Variants in UBAC2 observed in about 807,000 individuals in gnomAD.
UBAC2 encodes the protein ubiquitin-associated domain-containing protein 2.
UBAC2 carries 26 observed loss-of-function variants against 44.0 expected under a neutral mutation model. The ratio of observed to expected loss-of-function variants is 0.59; its 90% CI spans 0.43 to 0.82. UBAC2 has a LOEUF of 0.82. UBAC2 is among the 40% of genes least tolerant of loss of function. The pLI is 0.00. For missense variants in UBAC2, 329 were observed against 419.4 expected (o/e 0.78, Z 1.88); for synonymous variants, 155 against 154.3 (o/e 1.00, Z -0.04).
intron 4 of UBAC2, among the ~76,000 whole-genome samples, chr13:99,263,247 T>C (rs1555324923): frequency 6.6e-6 from 1 of 152,254 alleles, no homozygotes; most frequent in Non-Finnish European, 1.5e-5. Context: ...TGTTTCTTGC[T>C]AATGAGTTGA....
At position 99,385,332 on chromosome 13, in the gene UBAC2, C is replaced by T. The variant is rs1436641320; in HGVS notation, c.1032C>T (p.His344=). ...TCGCCACCAACTTCCTGCTGCAGCA[C>T]TGATAGTCCCAGGCCAACACTGGGA... ...LNVATNFLLQ[H] Residue 344 remains histidine (H), a synonymous_variant, in exon 9 of 9, where the codon CAC becomes CAT. Coordinates refer to ENST00000403766, the MANE Select transcript of UBAC2 (RefSeq NM_001144072.2). The T allele has an allele frequency of 1.9e-5, 30 of 1,613,344 alleles. No homozygotes were observed. The highest frequency in any genetic ancestry group is 2.5e-5 in the Non-Finnish European group (29 of 1,179,454).
chr13:99,293,838 A>G (rs542562669), intron 4 of UBAC2, among the ~76,000 whole-genome samples: 1 of 152,346 alleles, frequency 6.6e-6, no homozygotes, highest in South Asian at 2.1e-4. Flanking sequence ...ATAAAAATTT[A>G]AAGTGTAACA....
intron 4 of UBAC2, chr13:99,255,053 G>A: frequency 1.2e-6 from 2 of 1,614,124 alleles, no homozygotes; most frequent in Non-Finnish European, 1.7e-6. Context: ...AGGTTCATGA[G>A]GAAGGTGGTA....
At chr13:99,342,135 G>A (rs937484628) in intron 7 of UBAC2, among the ~76,000 whole-genome samples, 8 of 152,130 alleles carry the variant, frequency 5.3e-5, no homozygotes, top group African/African-American at 1.9e-4. Flanking sequence ...CTATGGGGGC[G>A]GGCTGGCGAA....
chr13:99,347,514 C>T (rs975059092), intron 7 of UBAC2, among the ~76,000 whole-genome samples: 1 of 152,064 alleles, frequency 6.6e-6, no homozygotes, highest in Admixed American at 6.6e-5. Context: ...TGGGACATCA[C>T]TGTGGTCACG....
chr13:99,244,769 A>G (rs1009807394), intron 4 of UBAC2, 145 bp downstream of exon 4: 4 of 476,212 alleles, frequency 8.4e-6, no homozygotes, highest in African/African-American at 4.0e-5. Flanking sequence ...AGTCTAATCT[A>G]TGCCTACATT....
chr13:99,250,323 T>A (rs2043441994), intron 4 of UBAC2, among the ~76,000 whole-genome samples: 1 of 152,238 alleles, frequency 6.6e-6, no homozygotes, highest in Non-Finnish European at 1.5e-5. Context: ...AGGAATCCTT[T>A]CACCACTGTT....
chr13:99,327,498 GT>G (rs1318052488), intron 6 of UBAC2, among the ~76,000 whole-genome samples: 1 of 152,108 alleles, frequency 6.6e-6, no homozygotes, highest in Non-Finnish European at 1.5e-5. Flanking sequence ...GTGTGTGTGT[GT>G]GTGTTTAAGT....
At chr13:99,254,997 T>C in intron 4 of UBAC2, 3 of 1,614,074 alleles carry the variant, frequency 1.9e-6, no homozygotes, top group Non-Finnish European at 2.5e-6. Flanking sequence ...GAGCCTGAAA[T>C]TGTTTTGAAA....
intron 4 of UBAC2, among the ~76,000 whole-genome samples, chr13:99,285,497 A>T (rs979937374): frequency 2.0e-5 from 3 of 151,312 alleles, no homozygotes; most frequent in Admixed American, 6.6e-5. Context: ...GGCTCAAGGG[A>T]TCCTCCTGCC....
At chr13:99,220,179 G>C (rs984477) in intron 1 of UBAC2, among the ~76,000 whole-genome samples, 81,052 of 152,006 alleles carry the variant, frequency 0.53, 22,947 homozygotes, top group Middle Eastern at 0.66. Context: ...AGTTATCATA[G>C]TTCCTTCTTA....
At chr13:99,306,410 G>T (rs1482488774) in intron 4 of UBAC2, among the ~76,000 whole-genome samples, 1 of 151,918 alleles carries the variant, frequency 6.6e-6, no homozygotes, top group African/African-American at 2.4e-5. Context: ...TGTGTGGGGG[G>T]GCCACACAGC....
intron 1 of UBAC2, among the ~76,000 whole-genome samples, chr13:99,215,920 C>T (rs1167292720): frequency 7.9e-5 from 12 of 152,184 alleles, no homozygotes; most frequent in Admixed American, 5.2e-4. Flanking sequence ...TGGTGCTAGT[C>T]TGAAAGACCT....
intron 2 of UBAC2, among the ~76,000 whole-genome samples, chr13:99,241,304 A>G (rs1016700210): frequency 2.0e-5 from 3 of 151,746 alleles, no homozygotes; most frequent in Admixed American, 6.6e-5. Context: ...ACTATTACCA[A>G]TGTTCGCAGC....
intron 6 of UBAC2, among the ~76,000 whole-genome samples, chr13:99,325,612 A>G (rs1363240688): frequency 6.6e-6 from 1 of 152,160 alleles, no homozygotes; most frequent in African/African-American, 2.4e-5. Context: ...GACTATAGGT[A>G]TGGGGTTGTG....
At chr13:99,263,337 A>G (rs2043695299) in intron 4 of UBAC2, among the ~76,000 whole-genome samples, 1 of 152,192 alleles carries the variant, frequency 6.6e-6, no homozygotes, top group South Asian at 2.1e-4. Flanking sequence ...CTGCCATTCC[A>G]TGGCCAAAAG....
intron 4 of UBAC2, among the ~76,000 whole-genome samples, chr13:99,277,116 A>G (rs925598232): frequency 1.3e-5 from 2 of 151,782 alleles, no homozygotes; most frequent in East Asian, 1.9e-4. Context: ...AGGATCATCT[A>G]CTCTTCATCT....
chr13:99,309,687 G>A (rs2044386999), intron 4 of UBAC2, among the ~76,000 whole-genome samples: 1 of 152,050 alleles, frequency 6.6e-6, no homozygotes, highest in South Asian at 2.1e-4. Flanking sequence ...TGCAACCTCT[G>A]CCTCCTGGGC....
intron 4 of UBAC2, among the ~76,000 whole-genome samples, chr13:99,301,682 A>G (rs1221935879): frequency 1.3e-5 from 2 of 152,330 alleles, no homozygotes; most frequent in East Asian, 3.9e-4. Context: ...TCATTTATTT[A>G]GCATCTAAGA....
Sources: allele counts gnomAD v4.1 joint callset (sites outside exome capture counted in the v4.1 genomes callset), GRCh38; gene constraint gnomAD v4.1.1; transcripts MANE v1.5; gene names NCBI Gene and HGNC (gene_info 2026-07-23, HGNC 2026-07-21).